Variants in SORL1-AS1 observed in about 807,000 individuals in gnomAD.
SORL1-AS1 encodes the protein SORL1 antisense RNA 1.
the SORL1-AS1 span, among the ~76,000 whole-genome samples, chr11:121,440,319 A>G: frequency 1.3e-5 from 2 of 152,214 alleles, no homozygotes; most frequent in Admixed American, 1.3e-4. Context: ...GGTTACGGTG[A>G]GCCGAGAGCA....
the SORL1-AS1 span, among the ~76,000 whole-genome samples, chr11:121,442,102 T>C: frequency 6.6e-6 from 1 of 152,234 alleles, no homozygotes; most frequent in Admixed American, 6.5e-5. Flanking sequence ...CAGATTTTAA[T>C]GATAGCAAAC....
intron 1 of SORL1-AS1, among the ~76,000 whole-genome samples, chr11:121,451,615 C>T (rs1273359048): frequency 6.6e-6 from 1 of 152,202 alleles, no homozygotes; most frequent in East Asian, 1.9e-4. Context: ...TTTACTGCCT[C>T]TGTGCAGGAT....
the SORL1-AS1 span, among the ~76,000 whole-genome samples, chr11:121,438,846 C>A: frequency 6.6e-6 from 1 of 152,020 alleles, no homozygotes; most frequent in Non-Finnish European, 1.5e-5. Flanking sequence ...GCCAATATGG[C>A]GAAACCCCAT....
rs1033900129 is a variant in SORL1-AS1 at position 121,450,620 on chromosome 11, T to C, written n.340-721A>G. 4.6e-5 allele frequency among the ~76,000 whole-genome samples: 7 copies of C among 152,088 alleles called. No homozygotes were observed. Among genetic ancestry groups the C allele is most frequent in the African/African-American group, 1.2e-4 (5 of 41,392 alleles). Reference sequence around the variant, plus strand: ...ATAACATCAAAGTTGGGGTGCAGGATGAAGGCACCCCAATAATACCACACT... The same window carrying C: ...ATAACATCAAAGTTGGGGTGCAGGACGAAGGCACCCCAATAATACCACACT... On this transcript the variant is annotated intron_variant and non_coding_transcript_variant, in intron 1 of 1. Transcript: ENST00000501964. This position sits in a 1 kb window ranked among gnomAD's most constrained non-coding sequence, Gnocchi z 5.2.
chr11:121,446,249 G>A (rs1017636766), downstream of SORL1-AS1, among the ~76,000 whole-genome samples: 4 of 152,192 alleles, frequency 2.6e-5, no homozygotes, highest in Non-Finnish European at 5.9e-5. Flanking sequence ...TACCAAAATC[G>A]TTGTTCTAAT....
downstream of SORL1-AS1, among the ~76,000 whole-genome samples, chr11:121,445,153 T>C (rs1860706959): frequency 6.6e-6 from 1 of 152,348 alleles, no homozygotes; most frequent in East Asian, 1.9e-4. Flanking sequence ...GTGGGAATGA[T>C]GATTTTAACA....
At chr11:121,441,530 C>CAAAAA in the SORL1-AS1 span, among the ~76,000 whole-genome samples, 308 of 52,338 alleles carry the variant, frequency 5.9e-3, 18 homozygotes, top group African/African-American at 0.022. Context: ...GACTCTGTCT[C>CAAAAA]AAAAAAAAAA....
Position 121,452,351 on chromosome 11 carries a change from G to C in SORL1-AS1, n.339+324C>G. The C allele has an allele frequency of 1.3e-6, 2 of 1,554,424 alleles. No homozygotes were observed. Among genetic ancestry groups the C allele is most frequent in the Non-Finnish European group, 1.7e-6 (2 of 1,154,836 alleles). ...CCGAACATGGCGACACGGAGCAGCA[G>C]GAGGGAGTCGCGACTCCCGTTCCTA... is the stretch of plus-strand genomic sequence containing the variant. On this transcript the variant is annotated intron_variant and non_coding_transcript_variant, in intron 1 of 1. Transcript: ENST00000501964. This position sits in a 1 kb window ranked among gnomAD's most constrained non-coding sequence, Gnocchi z 5.3.
the SORL1-AS1 span, among the ~76,000 whole-genome samples, chr11:121,439,725 G>A: frequency 6.6e-6 from 1 of 152,280 alleles, no homozygotes; most frequent in East Asian, 1.9e-4. Context: ...AAGACGGTGA[G>A]TATTAATGTA....
At chr11:121,442,970 G>A (rs1381162914), downstream of SORL1-AS1, among the ~76,000 whole-genome samples, 2 of 148,880 alleles carry the variant, frequency 1.3e-5, no homozygotes, top group African/African-American at 5.0e-5. Flanking sequence ...GAGTCACCGC[G>A]CCCAGCCAAG....
chr11:121,442,997 G>GAAAA (rs1160398589), downstream of SORL1-AS1, among the ~76,000 whole-genome samples: 1 of 105,754 alleles, frequency 9.5e-6, no homozygotes, highest in East Asian at 2.9e-4. Context: ...TCTCACAAAA[G>GAAAA]AAAAAAAAAA....
At chr11:121,446,812 T>C (rs1253483605), downstream of SORL1-AS1, among the ~76,000 whole-genome samples, 2 of 151,260 alleles carry the variant, frequency 1.3e-5, no homozygotes, top group Non-Finnish European at 2.9e-5. Flanking sequence ...CTAGTCTGAC[T>C]GTCTGCTTTC....
chr11:121,447,354 C>T (rs1761515533), exon 2 of SORL1-AS1: 1 of 152,426 alleles, frequency 6.6e-6, no homozygotes, highest in African/African-American at 2.5e-5. Flanking sequence ...TCTCTGTCAC[C>T]CAGGCTGGAG....
chr11:121,441,260 A>T, the SORL1-AS1 span, among the ~76,000 whole-genome samples: 1 of 151,958 alleles, frequency 6.6e-6, no homozygotes, highest in African/African-American at 2.4e-5. Flanking sequence ...GCTGTGGCTC[A>T]CGCCTGTAAT....
the SORL1-AS1 span, among the ~76,000 whole-genome samples, chr11:121,438,872 A>C: frequency 2.4e-3 from 364 of 152,282 alleles, 2 homozygotes; most frequent in African/African-American, 8.5e-3. Flanking sequence ...CTAAAAATAC[A>C]AAAATTAGCC....
In SORL1-AS1 at chr11:121,452,654, C is replaced by T; in HGVS notation, n.339+21G>A. 2 of 1,412,416 alleles carry T rather than the reference C, an allele frequency of 1.4e-6. No individual in the cohort carries two copies. The highest frequency in any genetic ancestry group is 1.5e-5 in the South Asian group (1 of 66,586). 87.5% of individuals were successfully genotyped at this position (1,412,416 alleles called of 1,614,324 possible). A position where few individuals can be genotyped will look rare whatever the true frequency, so the allele number is the denominator to read the frequency against. ...GCAACCCGCCTCCCTCCAGTTTTTT[C>T]CTCTCCCTGCACTTCCTCACCCCCG... On this transcript the variant is annotated intron_variant and non_coding_transcript_variant, in intron 1 of 1. Coordinates refer to ENST00000501964, the Ensembl canonical transcript of SORL1-AS1. This position sits in a 1 kb window ranked among gnomAD's most constrained non-coding sequence, Gnocchi z 5.3.
downstream of SORL1-AS1, among the ~76,000 whole-genome samples, chr11:121,443,963 G>A (rs891322721): frequency 1.8e-4 from 27 of 152,130 alleles, no homozygotes; most frequent in Non-Finnish European, 2.5e-4. Context: ...CCTGGCCTCA[G>A]AACACTGCTC....
rs1275620925 is a variant in SORL1-AS1, at chr11:121,450,788, T to C, written n.340-889A>G. Among the ~76,000 whole-genome samples the C allele has an allele frequency of 6.6e-6, 1 of 152,164 alleles. No individual in the cohort carries two copies. Among genetic ancestry groups the C allele is most frequent in the Non-Finnish European group, 1.5e-5 (1 of 68,024 alleles). The stretch of plus-strand genomic sequence containing the variant: ...TTGAGATGGACAGAAAGACATCATC[T>C]GACTTGGGGAGAAAATCGGGTGTGG... On this transcript the variant is annotated intron_variant and non_coding_transcript_variant, in intron 1 of 1. Coordinates refer to ENST00000501964, the Ensembl canonical transcript of SORL1-AS1. This position sits in a 1 kb window ranked among gnomAD's most constrained non-coding sequence, Gnocchi z 5.2.
At chr11:121,438,744 A>T in the SORL1-AS1 span, among the ~76,000 whole-genome samples, 1 of 152,228 alleles carries the variant, frequency 6.6e-6, no homozygotes, top group African/African-American at 2.4e-5. Context: ...AAATAAAGCC[A>T]TGGCCAGGTG....
Sources: allele counts gnomAD v4.1 joint callset (sites outside exome capture counted in the v4.1 genomes callset), GRCh38; gene constraint gnomAD v4.1.1; non-coding constraint Gnocchi (gnomAD v3.1); transcripts MANE v1.5; gene names NCBI Gene and HGNC (gene_info 2026-07-23, HGNC 2026-07-21).